Variants in DAB1 observed in about 807,000 individuals in gnomAD.
The protein encoded by DAB1 is disabled homolog 1.
DAB1 carries 15 observed loss-of-function variants against 64.6 expected under a neutral mutation model. The ratio of observed to expected loss-of-function variants is 0.23; its 90% CI spans 0.16 to 0.36. The LOEUF is 0.36. DAB1 is among the 10% of genes least tolerant of loss of function. The pLI, the probability that DAB1 is intolerant of heterozygous loss-of-function variation, is 1.00. For missense variants in DAB1, 596 were observed against 706.7 expected (o/e 0.84, Z 1.78); for synonymous variants, 235 against 251.9 (o/e 0.93, Z 0.64).
At chr1:58,070,004 C>T (rs1557636550) in intron 5 of DAB1, among the ~76,000 whole-genome samples, 1 of 152,206 alleles carries the variant, frequency 6.6e-6, no homozygotes, top group South Asian at 2.1e-4. Flanking sequence ...GCTATCCCAG[C>T]CCAGAGATTT....
intron 7 of DAB1, among the ~76,000 whole-genome samples, chr1:57,540,614 C>T (rs1246249137): frequency 6.6e-6 from 1 of 152,098 alleles, no homozygotes. Flanking sequence ...ACTACTTGGC[C>T]ATAAAAAAAG....
chr1:57,818,163 T>C (rs1293028182), intron 6 of DAB1, among the ~76,000 whole-genome samples: 3 of 152,034 alleles, frequency 2.0e-5, no homozygotes, highest in Admixed American at 1.3e-4. Context: ...GTGTGAGGGG[T>C]GTTATAATGA....
intron 2 of DAB1, among the ~76,000 whole-genome samples, chr1:57,168,572 C>T (rs1317666337): frequency 6.6e-6 from 1 of 152,170 alleles, no homozygotes; most frequent in Non-Finnish European, 1.5e-5. Flanking sequence ...ACCTCTGTAC[C>T]TGTCACCTTC....
chr1:57,223,609 T>C (rs1370937070), intron 2 of DAB1, among the ~76,000 whole-genome samples: 1 of 152,186 alleles, frequency 6.6e-6, no homozygotes, highest in African/African-American at 2.4e-5. Context: ...AACAAGGATA[T>C]GATCCCTGGG....
intron 3 of DAB1, among the ~76,000 whole-genome samples, chr1:58,498,252 AAC>A: frequency 6.6e-6 from 1 of 152,162 alleles, no homozygotes; most frequent in East Asian, 1.9e-4. Flanking sequence ...AAAAAAAAAA[AAC>A]AACTTTTTCC....
intron 1 of DAB1, among the ~76,000 whole-genome samples, chr1:57,384,818 A>G (rs1375784336): frequency 6.6e-6 from 1 of 152,202 alleles, no homozygotes; most frequent in Admixed American, 6.5e-5. Flanking sequence ...TTGCACAACA[A>G]TGTGAATAGC....
Position 58,485,314 on chromosome 1 carries a change from C to T in DAB1, n.257+20746G>A, listed in dbSNP as rs571479557. Among the ~76,000 whole-genome samples the T allele has an allele frequency of 8.6e-5, 12 of 139,426 alleles. No individual in the cohort carries two copies. In the South Asian group the frequency reaches 3.0e-3, roughly 35 times the overall value. 91.5% of individuals were successfully genotyped at this position (139,426 alleles called of 152,430 possible). ...ACCTGTTTTGTTTCTACCGCTTTTG[C>T]TCTACATGCTTTTTGTGCTCATGCT... is the stretch of plus-strand genomic sequence containing the variant. On this transcript the variant is annotated intron_variant and non_coding_transcript_variant, in intron 3 of 20. Coordinates refer to the DAB1 transcript ENST00000485760.
intron 2 of DAB1, among the ~76,000 whole-genome samples, chr1:57,148,097 A>G (rs1481442499): frequency 2.0e-5 from 3 of 152,178 alleles, no homozygotes; most frequent in African/African-American, 7.2e-5. Flanking sequence ...TTAAAACTCC[A>G]TGGAAGGATG....
chr1:57,057,654 C>G (rs1349091991), intron 9 of DAB1, among the ~76,000 whole-genome samples: 2 of 148,366 alleles, frequency 1.3e-5, no homozygotes, highest in African/African-American at 5.0e-5. Flanking sequence ...GTTGCCCAGG[C>G]TGGAGTGCAG....
chr1:57,145,599 A>C (rs532757478), intron 2 of DAB1, among the ~76,000 whole-genome samples, 170 bp from the exon 3 acceptor site: 1 of 152,324 alleles, frequency 6.6e-6, no homozygotes, highest in South Asian at 2.1e-4. Context: ...TTCTGACTCC[A>C]TCCATTTAAG....
intron 7 of DAB1, among the ~76,000 whole-genome samples, chr1:57,438,758 G>T (rs1409712729): frequency 2.0e-5 from 3 of 151,976 alleles, no homozygotes; most frequent in Admixed American, 1.3e-4. Flanking sequence ...TGATCTTAGG[G>T]AACTATTTCC....
At chr1:57,321,244 G>A (rs773779556) in intron 1 of DAB1, among the ~76,000 whole-genome samples, 2 of 152,152 alleles carry the variant, frequency 1.3e-5, no homozygotes, top group Non-Finnish European at 2.9e-5. Flanking sequence ...GTATTCACAT[G>A]TTACTGAGGT....
At chr1:57,574,520 C>T (rs912350800) in intron 7 of DAB1, among the ~76,000 whole-genome samples, 1 of 152,210 alleles carries the variant, frequency 6.6e-6, no homozygotes, top group African/African-American at 2.4e-5. Flanking sequence ...AGCATTTCTC[C>T]TAGATCACAC....
intron 7 of DAB1, among the ~76,000 whole-genome samples, chr1:57,600,822 T>A (rs1645568223): frequency 6.6e-6 from 1 of 152,190 alleles, no homozygotes; most frequent in South Asian, 2.1e-4. Flanking sequence ...ACAAACTTTT[T>A]AATATTCATT....
intron 2 of DAB1, among the ~76,000 whole-genome samples, chr1:57,286,628 T>C (rs908118220): frequency 2.6e-5 from 4 of 152,206 alleles, no homozygotes; most frequent in Non-Finnish European, 5.9e-5. Context: ...AGAAAGTTAA[T>C]ATTTTCCAGA....
chr1:58,354,827 G>A (rs1644095020), intron 3 of DAB1, among the ~76,000 whole-genome samples: 1 of 152,226 alleles, frequency 6.6e-6, no homozygotes, highest in East Asian at 1.9e-4. Context: ...TGTGACACAG[G>A]TATGGCTGCT....
chr1:57,843,676 T>C (rs1301816058), intron 1 of DAB1, among the ~76,000 whole-genome samples: 1 of 152,184 alleles, frequency 6.6e-6, no homozygotes, highest in Non-Finnish European at 1.5e-5. Context: ...AAACTTTGAA[T>C]ACAGAAGGCT....
At chr1:58,398,251 TTGCTCCTCAA>T (rs1207730963) in intron 3 of DAB1, among the ~76,000 whole-genome samples, 11 of 152,336 alleles carry the variant, frequency 7.2e-5, no homozygotes, top group African/African-American at 1.9e-4. Context: ...CCACTCCTCA[TTGCTCCTCAA>T]AACACATCTG....
intron 4 of DAB1, among the ~76,000 whole-genome samples, chr1:58,209,800 G>A (rs1447721759): frequency 6.6e-6 from 1 of 152,054 alleles, no homozygotes; most frequent in Admixed American, 6.6e-5. Context: ...TACACTTAGG[G>A]ACTATTTGAA....
Sources: gnomAD v4.1 joint callset for allele counts (sites outside exome capture counted in the v4.1 genomes callset) on GRCh38, gnomAD v4.1.1 for gene constraint, MANE v1.5 for transcripts, NCBI Gene and HGNC (gene_info 2026-07-23, HGNC 2026-07-21) for gene names.